SORBS2: variants seen among roughly 807,000 people sequenced by gnomAD.
SORBS2 encodes the protein sorbin and SH3 domain containing 2.
A neutral mutation model predicts 97.7 loss-of-function variants in SORBS2; 46 were observed. That is an observed-to-expected ratio of 0.47 (90% CI 0.37 to 0.60). The LOEUF (loss-of-function observed/expected upper bound fraction) is 0.60, where lower values mean the gene tolerates loss of function less well. Among genes scored for constraint, SORBS2 ranks in the 20% least tolerant of loss-of-function variants. The probability of loss-of-function intolerance (pLI) is 0.00; values close to 1 mark genes in which losing one functional copy is unlikely to be tolerated. For missense variants in SORBS2, 1,316 were observed against 1,282.3 expected (o/e 1.03, Z -0.40); for synonymous variants, 476 against 473.4 (o/e 1.01, Z -0.07).
At chr4:185,646,689 T>A in exon 4 of SORBS2, 1 of 1,611,958 alleles carries the variant, frequency 6.2e-7, no homozygotes, top group Non-Finnish European at 8.5e-7. Context: ...GCTGAAGAAT[T>A]GATGACTTGC....
chr4:185,748,457 G>A (rs1165158063), intron 2 of SORBS2, among the ~76,000 whole-genome samples: 1 of 152,124 alleles, frequency 6.6e-6, no homozygotes, highest in Non-Finnish European at 1.5e-5. Flanking sequence ...GGAGTAAGGC[G>A]AGCTGGGAAG....
chr4:185,741,167 G>A (rs1194944361), intron 2 of SORBS2, among the ~76,000 whole-genome samples: 5 of 152,024 alleles, frequency 3.3e-5, no homozygotes, highest in Non-Finnish European at 7.4e-5. Context: ...CTCTGTCTAT[G>A]AACACAAGTA....
At chr4:185,837,308 C>A (rs2099208636) in intron 1 of SORBS2, among the ~76,000 whole-genome samples, 1 of 152,032 alleles carries the variant, frequency 6.6e-6, no homozygotes, top group African/African-American at 2.4e-5. Flanking sequence ...CATTGACTTT[C>A]CAGCAAGCAT....
intron 12 of SORBS2, among the ~76,000 whole-genome samples, chr4:185,597,814 G>C (rs1200561507): frequency 6.6e-6 from 1 of 152,310 alleles, no homozygotes; most frequent in Admixed American, 6.5e-5. Flanking sequence ...CAAGCTGAGA[G>C]TTGTTTCTGC....
At chr4:185,740,650 T>C (rs567497009) in intron 2 of SORBS2, among the ~76,000 whole-genome samples, 23 of 132,900 alleles carry the variant, frequency 1.7e-4, no homozygotes, top group South Asian at 7.5e-4. Context: ...CTCAGCCCAA[T>C]ATTAACTCAG....
rs28481339 is a variant in SORBS2 at position 185,921,032 on chromosome 4, G to C, written c.-338+35164C>G. On this transcript the variant is annotated intron_variant, in intron 1 of 20. Coordinates refer to the SORBS2 transcript ENST00000284776. ...CCCCTCAGCACCTGAGAGGCAGAGG[G>C]CTGGGCGGGGAATGCTGATACTTTC... 1.4e-4 allele frequency among the ~76,000 whole-genome samples: 21 copies of C among 152,264 alleles called. No individual in the cohort carries two copies. In the Middle Eastern group the frequency reaches 0.01, roughly 74 times the overall value.
chr4:185,918,987 T>C (rs1399428112), intron 1 of SORBS2, among the ~76,000 whole-genome samples: 16 of 152,152 alleles, frequency 1.1e-4, no homozygotes, highest in Non-Finnish European at 4.4e-5. Flanking sequence ...AACCAAAGCA[T>C]AGGGCAGAAG....
At chr4:185,600,488 G>A (rs1300260438) in intron 12 of SORBS2, among the ~76,000 whole-genome samples, 6 of 152,038 alleles carry the variant, frequency 3.9e-5, no homozygotes, top group South Asian at 2.1e-4. Flanking sequence ...ACAGGCACCC[G>A]CCACCAGGCC....
At chr4:185,854,553 TTC>T (rs1409984308) in intron 1 of SORBS2, among the ~76,000 whole-genome samples, 1 of 152,220 alleles carries the variant, frequency 6.6e-6, no homozygotes, top group East Asian at 1.9e-4. Flanking sequence ...TATAGTATGG[TTC>T]TTTGTCAAAA....
chr4:185,838,444 TG>T (rs1313062469), intron 1 of SORBS2, among the ~76,000 whole-genome samples: 1 of 152,098 alleles, frequency 6.6e-6, no homozygotes, highest in African/African-American at 2.4e-5. Context: ...AAGGGCTGTC[TG>T]GGGGGCTCAC....
At chr4:185,937,310 G>A (rs898347823) in intron 1 of SORBS2, among the ~76,000 whole-genome samples, 1 of 152,152 alleles carries the variant, frequency 6.6e-6, no homozygotes. Flanking sequence ...CGTGGGTGAG[G>A]CAATTTCTTG....
At chr4:185,716,226 A>G (rs538284349) in intron 2 of SORBS2, among the ~76,000 whole-genome samples, 2 of 152,348 alleles carry the variant, frequency 1.3e-5, no homozygotes, top group South Asian at 4.1e-4. Flanking sequence ...GAGGTAGTCA[A>G]GAGTGTAGAT....
intron 4 of SORBS2, among the ~76,000 whole-genome samples, chr4:185,632,287 A>C (rs572308163): frequency 2.0e-5 from 3 of 152,360 alleles, no homozygotes; most frequent in African/African-American, 7.2e-5. Flanking sequence ...GCATCTCTGC[A>C]TGAGAATATT....
intron 2 of SORBS2, 104 bp from the exon 11 acceptor site, chr4:185,651,932 G>GT (rs1286154258): frequency 1.4e-6 from 1 of 697,818 alleles, no homozygotes; most frequent in African/African-American, 1.9e-5. Context: ...GAAAAGCAAC[G>GT]TATTTTTCCT....
At chr4:185,592,199 A>C (rs960636843) in intron 13 of SORBS2, 1 of 152,626 alleles carries the variant, frequency 6.6e-6, no homozygotes, top group African/African-American at 2.4e-5. Context: ...TATTTCACTA[A>C]AACTCTGAAT....
chr4:185,784,135 T>C (rs2099044541), intron 1 of SORBS2, among the ~76,000 whole-genome samples: 1 of 152,124 alleles, frequency 6.6e-6, no homozygotes, highest in African/African-American at 2.4e-5. Context: ...TTCCTTGTCC[T>C]TTTCTTTCTT....
intron 1 of SORBS2, among the ~76,000 whole-genome samples, chr4:185,898,553 G>C (rs1328832266): frequency 6.6e-6 from 1 of 152,112 alleles, no homozygotes; most frequent in Non-Finnish European, 1.5e-5. Flanking sequence ...TGTTGCTTGG[G>C]GTTAGTCAGT....
chr4:185,641,353 T>C (rs909196105), intron 4 of SORBS2, among the ~76,000 whole-genome samples: 1 of 152,166 alleles, frequency 6.6e-6, no homozygotes, highest in Non-Finnish European at 1.5e-5. Flanking sequence ...GAAAGGCACA[T>C]GTTTGAGCAG....
chr4:185,631,793 A>AC (rs1491101200), intron 4 of SORBS2, among the ~76,000 whole-genome samples: 1 of 137,622 alleles, frequency 7.3e-6, no homozygotes, highest in African/African-American at 3.4e-5. Context: ...CAACAAAAAA[A>AC]CAAAACAAAA....
Sources: allele counts gnomAD v4.1 joint callset (sites outside exome capture counted in the v4.1 genomes callset), GRCh38; gene constraint gnomAD v4.1.1; transcripts MANE v1.5; gene names NCBI Gene and HGNC (gene_info 2026-07-23, HGNC 2026-07-21).